The following LZTS1 variants were observed in gnomAD, a reference collection of about 807,000 sequenced individuals.
The protein encoded by LZTS1 is leucine zipper putative tumor suppressor 1.
Under a neutral mutation model 45.8 loss-of-function variants are expected in LZTS1, and 31 were observed. The observed-to-expected ratio is 0.68, with a 90% CI of 0.51 to 0.91. The LOEUF (loss-of-function observed/expected upper bound fraction) is 0.91, where lower values mean the gene tolerates loss of function less well. Ranked by LOEUF, LZTS1 falls within the 40% of genes least tolerant of loss-of-function variation. LZTS1 has a pLI of 0.00. For missense variants in LZTS1, 821 were observed against 788.9 expected, an observed-to-expected ratio of 1.04 and a Z score of -0.49; for synonymous variants, 359 against 357.3, an observed-to-expected ratio of 1.00 and a Z score of -0.05.
chr8:20,279,428 A>G (rs78909048), intron 1 of LZTS1, among the ~76,000 whole-genome samples: 1,973 of 152,282 alleles, frequency 0.013, 20 homozygotes, highest in South Asian at 0.024. Context: ...GCAGACATCT[A>G]GCTATTTGCC....
At chr8:20,251,098 A>ATATATATATATAT (rs1799884172) in intron 3 of LZTS1, among the ~76,000 whole-genome samples, 2 of 41,402 alleles carry the variant, frequency 4.8e-5, no homozygotes, top group African/African-American at 1.3e-4. Flanking sequence ...CCTGAGGGCT[A>ATATATATATATAT]ATATATATAT....
intron 2 of LZTS1, 71 bp from the exon 3 acceptor site, chr8:20,253,656 C>T (rs558813210): frequency 1.0e-5 from 13 of 1,265,648 alleles, no homozygotes; most frequent in South Asian, 8.3e-5. Context: ...TCCCCAGGCA[C>T]GCGTGCCGAC....
At chr8:20,250,679 A>T (rs181349091) in intron 3 of LZTS1, among the ~76,000 whole-genome samples, 9 of 152,218 alleles carry the variant, frequency 5.9e-5, no homozygotes, top group Admixed American at 4.6e-4. Context: ...ATCTTGGCTC[A>T]CTGCAACCTC....
chr8:20,283,475 C>G (rs1800733605), intron 1 of LZTS1, among the ~76,000 whole-genome samples: 1 of 152,196 alleles, frequency 6.6e-6, no homozygotes, highest in African/African-American at 2.4e-5. Flanking sequence ...AAATACATTT[C>G]TGCTGCCTAT....
At chr8:20,279,864 G>A (rs571911666) in intron 1 of LZTS1, among the ~76,000 whole-genome samples, 99 of 151,268 alleles carry the variant, frequency 6.5e-4, no homozygotes, top group African/African-American at 2.3e-3. Context: ...GCACATGCCC[G>A]TAGTCCCAGC....
chr8:20,252,770 G>A lies in LZTS1; in HGVS notation c.1149+12C>T. 6.6e-7 allele frequency: 1 copy of A among 1,508,724 alleles called. No individual in the cohort carries two copies. The highest frequency in any genetic ancestry group is 1.4e-5 in the African/African-American group (1 of 71,712). 93.5% of individuals were successfully genotyped at this position (1,508,724 alleles called of 1,614,324 possible). On this transcript the variant is annotated intron_variant, in intron 3 of 3. Transcript: ENST00000381569. ...CTGACCACCCAAACCCATGAGCCCT[G>A]TGTGGCCTCACCTCCCACTGGGTCT...
chr8:20,252,959 G>C lies in LZTS1; in HGVS notation c.972C>G (p.Ser324Arg), dbSNP rs1249306911. 2 of 1,591,660 alleles carry C rather than the reference G, an allele frequency of 1.3e-6. No individual in the cohort carries two copies. The highest frequency in any genetic ancestry group is 1.7e-6 in the Non-Finnish European group (2 of 1,170,120). The stretch of plus-strand genomic sequence containing the variant: ...GGTGCAGGACCTGCTGCGCGCGCTG[G>C]CTCTTCTGCGAGGCCTGCTTGAGCT... ...GNKLKQASQK[S>R]QRAQQVLHLQ... is the part of the protein sequence containing the mutation. The change falls in exon 3 of 4, where the codon AGC (serine) becomes AGG (arginine). Residue 324 changes from serine (S) to arginine (R), a missense_variant. Transcript: ENST00000381569.
At chr8:20,260,467 G>A (rs777101646) in intron 1 of LZTS1, among the ~76,000 whole-genome samples, 2 of 152,240 alleles carry the variant, frequency 1.3e-5, no homozygotes, top group Admixed American at 6.5e-5. Flanking sequence ...GGTGGGATTC[G>A]AACCCAGGCC....
chr8:20,293,324 A>G lies in LZTS1; in HGVS notation c.-135+10416T>C, dbSNP rs184893128. Reference sequence around the variant, plus strand: ...AGGTGGGTGTGCAAGCGCCTCCTCAATCTGACTCCAACGTGCCTTTCTAGA... The same window carrying G: ...AGGTGGGTGTGCAAGCGCCTCCTCAGTCTGACTCCAACGTGCCTTTCTAGA... On this transcript the variant is annotated intron_variant, in intron 1 of 3. Transcript: ENST00000381569. 9.7e-4 allele frequency among the ~76,000 whole-genome samples: 148 copies of G among 151,980 alleles called. 1 individual carries two copies. The highest frequency in any genetic ancestry group is 3.4e-3 in the African/African-American group (142 of 41,472).
chr8:20,275,839 C>T (rs1445375441), intron 1 of LZTS1: 2 of 152,196 alleles, frequency 1.3e-5, no homozygotes, highest in African/African-American at 4.8e-5. Flanking sequence ...GATTGGATTT[C>T]TTTTTTGCAG....
intron 1 of LZTS1, among the ~76,000 whole-genome samples, chr8:20,290,652 G>C (rs750976892): frequency 3.9e-5 from 6 of 152,180 alleles, no homozygotes; most frequent in Non-Finnish European, 8.8e-5. Context: ...ATTTTCCTAT[G>C]TGAGACTCAG....
chr8:20,261,537 G>C (rs1800229054), intron 1 of LZTS1, among the ~76,000 whole-genome samples: 1 of 152,178 alleles, frequency 6.6e-6, no homozygotes, highest in African/African-American at 2.4e-5. Flanking sequence ...CACCTGAGCT[G>C]CCCCATCCCC....
intron 1 of LZTS1, among the ~76,000 whole-genome samples, chr8:20,276,113 A>T (rs1165490270): frequency 6.6e-6 from 1 of 152,202 alleles, no homozygotes; most frequent in African/African-American, 2.4e-5. Flanking sequence ...ATCAAGAAAT[A>T]ATATAATCCT....
At position 20,287,248 on chromosome 8, in the gene LZTS1, C is replaced by T. The variant is rs565501690; in HGVS notation, c.-135+16492G>A. ...AGCCCACACTATGTGAGTTCCTAAACACCATCTCCTGACTTTACATGGAGT... is the reference window on the plus strand; with the variant it reads ...AGCCCACACTATGTGAGTTCCTAAATACCATCTCCTGACTTTACATGGAGT... On this transcript the variant is annotated intron_variant, in intron 1 of 3. Transcript: ENST00000381569. 2.6e-5 allele frequency among the ~76,000 whole-genome samples: 4 copies of T among 152,356 alleles called. No homozygotes were observed. The South Asian group carries it at 6.2e-4, about 24-fold the overall frequency.
chr8:20,298,241 T>C (rs1801011391), intron 1 of LZTS1, among the ~76,000 whole-genome samples: 1 of 152,000 alleles, frequency 6.6e-6, no homozygotes, highest in African/African-American at 2.4e-5. Flanking sequence ...TTTGTAGTTT[T>C]AGTAGAGACA....
chr8:20,294,226 A>T (rs1283727822), intron 1 of LZTS1, among the ~76,000 whole-genome samples: 1 of 152,224 alleles, frequency 6.6e-6, no homozygotes, highest in Non-Finnish European at 1.5e-5. Flanking sequence ...TCCAACATCA[A>T]GAAAAAGTTT....
intron 1 of LZTS1, among the ~76,000 whole-genome samples, chr8:20,263,170 G>A (rs938894995): frequency 3.3e-5 from 5 of 152,144 alleles, no homozygotes; most frequent in African/African-American, 1.2e-4. Flanking sequence ...AAGCTGGCCT[G>A]GCCACAGAGG....
chr8:20,286,134 C>G (rs936805906), intron 1 of LZTS1, among the ~76,000 whole-genome samples: 2 of 152,106 alleles, frequency 1.3e-5, no homozygotes, highest in African/African-American at 4.8e-5. Flanking sequence ...AAGCACTATT[C>G]TAGAGGAAAA....
At chr8:20,287,406 G>C (rs532708774) in intron 1 of LZTS1, among the ~76,000 whole-genome samples, 2 of 152,352 alleles carry the variant, frequency 1.3e-5, no homozygotes, top group South Asian at 4.1e-4. Context: ...TCAGCAAGAA[G>C]TAAAAGGTGA....
Sources: gnomAD v4.1 joint callset for allele counts (sites outside exome capture counted in the v4.1 genomes callset) on GRCh38, gnomAD v4.1.1 for gene constraint, MANE v1.5 for transcripts, NCBI Gene and HGNC (gene_info 2026-07-23, HGNC 2026-07-21) for gene names.